Variants in NAGA observed in about 807,000 individuals in gnomAD.
The protein encoded by NAGA is alpha-N-acetylgalactosaminidase.
Under a neutral mutation model 45.6 loss-of-function variants are expected in NAGA, and 42 were observed. The observed-to-expected ratio is 0.92, with a 90% CI of 0.72 to 1.19. The LOEUF (loss-of-function observed/expected upper bound fraction) is 1.19, where lower values mean the gene tolerates loss of function less well. NAGA is among the 50% of genes most tolerant of loss of function. The pLI, the probability that NAGA is intolerant of heterozygous loss-of-function variation, is 0.00. For missense variants in NAGA, 493 were observed against 544.8 expected, an observed-to-expected ratio of 0.90 and a Z score of 0.95; for synonymous variants, 176 against 203.1, an observed-to-expected ratio of 0.87 and a Z score of 1.13.
chr22:42,067,352 T>C, intron 3 of NAGA, 62 bp from the exon 4 acceptor site: 1 of 1,595,534 alleles, frequency 6.3e-7, no homozygotes, highest in Admixed American at 1.7e-5. Context: ...CCTCAAGGCA[T>C]ATCTGACCCC....
intron 3 of NAGA, among the ~76,000 whole-genome samples, chr22:42,067,527 C>T (rs1349376703): frequency 6.6e-6 from 1 of 152,238 alleles, no homozygotes; most frequent in Non-Finnish European, 1.5e-5. Context: ...CCTCCAATGC[C>T]ATCTCTCTGG....
chr22:42,062,202 G>C (rs1462634911), intron 7 of NAGA, among the ~76,000 whole-genome samples: 2 of 151,932 alleles, frequency 1.3e-5, no homozygotes, highest in African/African-American at 4.8e-5. Context: ...GGCCGAGTGC[G>C]GTGGCTCATG....
At position 42,065,726 on chromosome 22, in the gene NAGA, C is replaced by T; in HGVS notation, c.759+12G>A. ...ATGGTGGGCCTAGGGACATCCCCCT[C>T]CATCCTGGTACCATGTCAGGGTCAT... On this transcript the variant is annotated intron_variant, in intron 6 of 8. Transcript: ENST00000396398. 1 of 1,613,580 alleles carries T rather than the reference C, an allele frequency of 6.2e-7. No homozygotes were observed. The highest frequency in any genetic ancestry group is 8.5e-7 in the Non-Finnish European group (1 of 1,180,006).
intron 1 of NAGA, 62 bp from the exon 2 acceptor site, chr22:42,068,636 C>T: frequency 2.5e-6 from 4 of 1,601,934 alleles, no homozygotes; most frequent in Non-Finnish European, 3.4e-6. Context: ...CAGCCCTCAT[C>T]CCACCCCATC....
At chr22:42,063,578 A>C (rs1335768049) in intron 6 of NAGA, among the ~76,000 whole-genome samples, 1 of 152,156 alleles carries the variant, frequency 6.6e-6, no homozygotes, top group African/African-American at 2.4e-5. Context: ...GCATTGTAAA[A>C]CTTTTTGTTC....
chr22:42,063,350 A>G (rs1926522866), intron 6 of NAGA, among the ~76,000 whole-genome samples: 1 of 151,900 alleles, frequency 6.6e-6, no homozygotes. Context: ...GACCACTACT[A>G]CTCCTGCTGC....
chr22:42,062,686 C>T, intron 7 of NAGA, 141 bp downstream of exon 7: 3 of 922,048 alleles, frequency 3.3e-6, no homozygotes, highest in Non-Finnish European at 5.2e-6. Context: ...CAACCATAAG[C>T]AACCAGAAGG....
At chr22:42,067,728 G>A (rs745845920) in intron 3 of NAGA, 37 bp downstream of exon 3, 45 of 1,591,744 alleles carry the variant, frequency 2.8e-5, no homozygotes, top group Non-Finnish European at 6.9e-6. Flanking sequence ...GAGTGGTCTA[G>A]CCCTGAGGCC....
rs1004630693 is a variant in NAGA, at chr22:42,060,224, G to A, written c.*55C>T. On this transcript the variant is annotated 3_prime_UTR_variant, in exon 9 of 9. Transcript: ENST00000396398. ...CCCCACTTGCCCTGGGCATGCCAAG[G>A]CTCCATGGTCTAGGCTCAGTGGTGC... 8.7e-5 allele frequency: 140 copies of A among 1,607,978 alleles called. No homozygotes were observed. Among genetic ancestry groups the A allele is most frequent in the Non-Finnish European group, 1.1e-4 (124 of 1,178,902 alleles).
chr22:42,066,993 CA>C, intron 4 of NAGA, 119 bp downstream of exon 4: 1 of 1,512,600 alleles, frequency 6.6e-7, no homozygotes. Context: ...GCCTGGGAGC[CA>C]CAATCCCCCT....
At chr22:42,066,065 C>A (rs1424716273) in intron 5 of NAGA, among the ~76,000 whole-genome samples, 166 bp from the exon 6 acceptor site, 1 of 152,114 alleles carries the variant, frequency 6.6e-6, no homozygotes, top group Non-Finnish European at 1.5e-5. Context: ...CAGAGGGTGG[C>A]CCTGCTCTGG....
chr22:42,065,620 C>T, intron 6 of NAGA, 118 bp downstream of exon 6: 1 of 1,380,048 alleles, frequency 7.2e-7, no homozygotes, highest in Non-Finnish European at 1.0e-6. Flanking sequence ...GGACACATTT[C>T]AGAAGCGCTG....
intron 6 of NAGA, among the ~76,000 whole-genome samples, chr22:42,064,464 C>G (rs1926598781): frequency 6.9e-6 from 1 of 144,626 alleles, no homozygotes; most frequent in African/African-American, 2.5e-5. Context: ...CATGGTGAAA[C>G]CCCATCTCTA....
intron 1 of NAGA, among the ~76,000 whole-genome samples, chr22:42,068,820 G>GCTGGAATTAGCAAAACTAATAC: frequency 6.6e-6 from 1 of 150,698 alleles, no homozygotes; most frequent in East Asian, 2.0e-4. Flanking sequence ...CCACAGCATT[G>GCTGGAATTAGCAAAACTAATAC]CTGGAATTAG....
intron 6 of NAGA, among the ~76,000 whole-genome samples, chr22:42,063,985 T>C (rs1335804525): frequency 6.6e-6 from 1 of 151,880 alleles, no homozygotes; most frequent in Non-Finnish European, 1.5e-5. Context: ...AATGTGGAGG[T>C]TGCAGTGAGC....
chr22:42,066,936 C>T lies in NAGA; in HGVS notation c.503-132G>A. 2.9e-6 allele frequency: 4 copies of T among 1,360,914 alleles called. No homozygotes were observed. In the South Asian group the frequency reaches 4.8e-5, roughly 16 times the overall value. 84.3% of individuals were successfully genotyped at this position (1,360,914 alleles called of 1,614,324 possible). On this transcript the variant is annotated intron_variant, in intron 4 of 8. Transcript: ENST00000396398. ...TAGGTGCCTCCCCACATACCCAGAG[C>T]CTCAAATGCTTCCAGGGTGGGCTAT...
rs534871306 is a variant in NAGA at position 42,061,361 on chromosome 22, T to C, written c.958-294A>G. Among the ~76,000 whole-genome samples the C allele has an allele frequency of 6.1e-4, 93 of 152,342 alleles. 1 individual carries two copies. Among genetic ancestry groups the C allele is most frequent in the African/African-American group, 2.1e-3 (89 of 41,580 alleles). ...GAAGCTCATAGGACAACGGGAGGGA[T>C]AAACGCAGAAACAGGGAAGCGCAAC... is the stretch of plus-strand genomic sequence containing the variant. On this transcript the variant is annotated intron_variant, in intron 7 of 8. Coordinates refer to ENST00000396398, the MANE Select transcript of NAGA (RefSeq NM_000262.3).
Position 42,060,254 on chromosome 22 carries a change from A to C in NAGA, c.*25T>G, listed in dbSNP as rs769012187. On this transcript the variant is annotated 3_prime_UTR_variant, in exon 9 of 9. Transcript: ENST00000396398. ...ATGGTCTAGGCTCAGTGGTGCCACC[A>C]CAGCCTGTCACATGTCCCAGCTCCT... is the stretch of plus-strand genomic sequence containing the variant. 1.9e-5 allele frequency: 30 copies of C among 1,612,150 alleles called. No individual in the cohort carries two copies. Among genetic ancestry groups the C allele is most frequent in the Middle Eastern group, 1.9e-4 (1 of 5,266 alleles).
At position 42,058,914 on chromosome 22, in the gene NAGA, A is replaced by T. The variant is rs2146832202; in HGVS notation, c.*1365T>A. The T allele has an allele frequency of 6.6e-6, 1 of 152,404 alleles. No homozygotes were observed. Among genetic ancestry groups the T allele is most frequent in the South Asian group, 2.1e-4 (1 of 4,830 alleles). 9.4% of individuals were successfully genotyped at this position (152,404 alleles called of 1,614,324 possible). A position where few individuals can be genotyped will look rare whatever the true frequency, so the allele number is the denominator to read the frequency against. On this transcript the variant is annotated 3_prime_UTR_variant, in exon 9 of 9. Transcript: ENST00000396398. ...AGTTTCTCAACAGCCTCAAGACATC[A>T]ACTGGGGAAAGGAACTTTCTCTGGT...
Sources: gnomAD v4.1 joint callset for allele counts (sites outside exome capture counted in the v4.1 genomes callset) on GRCh38, gnomAD v4.1.1 for gene constraint, MANE v1.5 for transcripts, NCBI Gene and HGNC (gene_info 2026-07-23, HGNC 2026-07-21) for gene names.